NRF1: variants seen among roughly 807,000 people sequenced by gnomAD.
NRF1 encodes alpha palindromic-binding protein.
A neutral mutation model predicts 58.5 loss-of-function variants in NRF1; 5 were observed. That is an observed-to-expected ratio of 0.09 (90% confidence interval 0.04 to 0.18). The LOEUF (loss-of-function observed/expected upper bound fraction) is 0.18. Among genes scored for constraint, NRF1 ranks in the 10% least tolerant of loss-of-function variants. The probability of loss-of-function intolerance (pLI) is 1.00; values close to 1 mark genes in which losing one functional copy is unlikely to be tolerated. For synonymous variants in NRF1, 224 were observed against 246.7 expected, an observed-to-expected ratio of 0.91 and a Z score of 0.86; for missense variants, 288 against 657.7, an observed-to-expected ratio of 0.44 and a Z score of 6.15.
chr7:129,717,124 T>C, intron 8 of NRF1, 95 bp from the exon 9 acceptor site: 1 of 1,244,332 alleles, frequency 8.0e-7, no homozygotes, highest in Non-Finnish European at 1.1e-6. Context: ...AGAGTATGTG[T>C]ATTTAGCCAA....
At chr7:129,647,924 G>A (rs991990284) in intron 1 of NRF1, among the ~76,000 whole-genome samples, 1 of 152,154 alleles carries the variant, frequency 6.6e-6, no homozygotes, top group African/African-American at 2.4e-5. Flanking sequence ...TAAGAAGGGA[G>A]CTTTATTTAT....
intron 5 of NRF1, among the ~76,000 whole-genome samples, chr7:129,708,845 A>G (rs1803008690): frequency 6.6e-6 from 1 of 152,198 alleles, no homozygotes; most frequent in African/African-American, 2.4e-5. Flanking sequence ...TAGAGGAACA[A>G]GTCTACAAAA....
At chr7:129,711,678 C>G (rs919694400) in intron 8 of NRF1, 102 bp downstream of exon 8, 1 of 859,550 alleles carries the variant, frequency 1.2e-6, no homozygotes, top group Non-Finnish European at 1.8e-6. Context: ...CTGCGGCACT[C>G]TTTCATTTAA....
intron 9 of NRF1, among the ~76,000 whole-genome samples, chr7:129,718,727 G>A (rs1355855425): frequency 1.3e-5 from 2 of 152,212 alleles, no homozygotes; most frequent in Non-Finnish European, 2.9e-5. Flanking sequence ...ATACTAGAGA[G>A]CTGTGATGGA....
At chr7:129,654,164 T>G (rs1801600575) in intron 1 of NRF1, among the ~76,000 whole-genome samples, 1 of 152,234 alleles carries the variant, frequency 6.6e-6, no homozygotes, top group Admixed American at 6.5e-5. Context: ...GGTTTAGATA[T>G]TTAAATAGAT....
At chr7:129,639,373 A>G (rs892519376) in intron 1 of NRF1, among the ~76,000 whole-genome samples, 3 of 152,084 alleles carry the variant, frequency 2.0e-5, no homozygotes, top group African/African-American at 7.2e-5. Context: ...CCAGTTTTAC[A>G]TTTTGTTGTT....
intron 5 of NRF1, among the ~76,000 whole-genome samples, chr7:129,707,213 C>CA (rs1430531065): frequency 6.6e-6 from 1 of 152,142 alleles, no homozygotes; most frequent in Non-Finnish European, 1.5e-5. Context: ...AAGCTGGTCT[C>CA]AAACTCCTGG....
At chr7:129,728,906 C>T (rs1364912277) in intron 10 of NRF1, among the ~76,000 whole-genome samples, 1 of 152,184 alleles carries the variant, frequency 6.6e-6, no homozygotes, top group East Asian at 1.9e-4. Flanking sequence ...TATAGCCACA[C>T]ATGTTCAGGA....
chr7:129,719,779 A>G (rs548916720), intron 9 of NRF1, among the ~76,000 whole-genome samples: 8 of 152,270 alleles, frequency 5.3e-5, no homozygotes, highest in African/African-American at 1.9e-4. Flanking sequence ...GGCATGGCCA[A>G]GTGAGACCCT....
intron 1 of NRF1, among the ~76,000 whole-genome samples, chr7:129,612,538 C>T (rs1463336121): frequency 6.6e-6 from 1 of 152,186 alleles, no homozygotes; most frequent in East Asian, 1.9e-4. Context: ...CTTTTGTACG[C>T]AGAAATAAGG....
At chr7:129,674,002 A>G (rs570589589) in intron 3 of NRF1, among the ~76,000 whole-genome samples, 2 of 151,040 alleles carry the variant, frequency 1.3e-5, no homozygotes, top group Admixed American at 6.6e-5. Context: ...TAAGCCAGGC[A>G]TGGTGGCAGG....
chr7:129,664,261 C>G (rs1472895517), intron 2 of NRF1, among the ~76,000 whole-genome samples: 1 of 152,192 alleles, frequency 6.6e-6, no homozygotes, highest in Admixed American at 6.5e-5. Context: ...ATATCTTTCA[C>G]TTTCCTGTTT....
At chr7:129,742,098 C>T (rs910077295) in intron 10 of NRF1, among the ~76,000 whole-genome samples, 2 of 152,080 alleles carry the variant, frequency 1.3e-5, no homozygotes, top group Non-Finnish European at 2.9e-5. Context: ...CTGACAAAGC[C>T]TCTTTTCTCC....
At chr7:129,643,135 C>T (rs977244188) in intron 1 of NRF1, among the ~76,000 whole-genome samples, 1 of 152,122 alleles carries the variant, frequency 6.6e-6, no homozygotes, top group African/African-American at 2.4e-5. Flanking sequence ...ATTCCTAGGT[C>T]TGTGGTATTG....
At chr7:129,681,565 GTATT>G (rs1383593406) in intron 4 of NRF1, among the ~76,000 whole-genome samples, 1 of 152,026 alleles carries the variant, frequency 6.6e-6, no homozygotes, top group African/African-American at 2.4e-5. Context: ...TTGATAAGAA[GTATT>G]TATTTATTAA....
At chr7:129,648,952 G>T (rs1329173087) in intron 1 of NRF1, among the ~76,000 whole-genome samples, 1 of 150,836 alleles carries the variant, frequency 6.6e-6, no homozygotes, top group Admixed American at 6.6e-5. Flanking sequence ...GCCCAGTGGT[G>T]TGGGAGGGTA....
chr7:129,613,681 C>T (rs900686323), intron 1 of NRF1, among the ~76,000 whole-genome samples: 1 of 151,494 alleles, frequency 6.6e-6, no homozygotes, highest in African/African-American at 2.4e-5. Context: ...GGTGGATCAC[C>T]TGAGGTCAGG....
chr7:129,612,616 G>T (rs916127383), intron 1 of NRF1, among the ~76,000 whole-genome samples: 1 of 152,236 alleles, frequency 6.6e-6, no homozygotes, highest in Non-Finnish European at 1.5e-5. Context: ...TCCTGTGCCT[G>T]GGGTGGTGGT....
chr7:129,655,817 C>A (rs1326942146), intron 1 of NRF1, among the ~76,000 whole-genome samples: 2 of 152,196 alleles, frequency 1.3e-5, no homozygotes, highest in Non-Finnish European at 2.9e-5. Context: ...CCACCTCGGC[C>A]AGCCTTCTTC....
Sources: allele counts gnomAD v4.1 joint callset (sites outside exome capture counted in the v4.1 genomes callset), GRCh38; gene constraint gnomAD v4.1.1; transcripts MANE v1.5; gene names NCBI Gene and HGNC (gene_info 2026-07-23, HGNC 2026-07-21).